RIMBP2: variants seen among roughly 807,000 people sequenced by gnomAD.
The protein encoded by RIMBP2 is RIMS-binding protein 2.
A neutral mutation model predicts 118.6 loss-of-function variants in RIMBP2; 48 were observed. The ratio of observed to expected loss-of-function variants is 0.40; its 90% CI spans 0.32 to 0.51. RIMBP2 has a LOEUF of 0.51. Among genes scored for constraint, RIMBP2 ranks in the 20% least tolerant of loss-of-function variants. RIMBP2 has a pLI of 0.41. For missense variants in RIMBP2, 1,551 were observed against 1,768.3 expected, an observed-to-expected ratio of 0.88 and a Z score of 2.20; for synonymous variants, 762 against 742.9, an observed-to-expected ratio of 1.03 and a Z score of -0.42.
chr12:130,613,833 A>AAAAC (rs1555308705), intron 2 of RIMBP2, among the ~76,000 whole-genome samples: 1 of 150,360 alleles, frequency 6.7e-6, no homozygotes. Context: ...AAAAAAAAAA[A>AAAAC]CTCAGTCTCA....
At position 130,534,165 on chromosome 12, in the gene RIMBP2, TAAA is replaced by T. The variant is rs35683242; in HGVS notation, c.-216-16251_-216-16249del. Among the ~76,000 whole-genome samples the T allele has an allele frequency of 8.3e-3, 787 of 95,206 alleles. 9 individuals carry two copies. Among genetic ancestry groups the T allele is most frequent in the African/African-American group, 0.029 (703 of 23,898 alleles). 62.5% of individuals were successfully genotyped at this position (95,206 alleles called of 152,430 possible). A position where few individuals can be genotyped will look rare whatever the true frequency, so the allele number is the denominator to read the frequency against. On this transcript the variant is annotated intron_variant, in intron 2 of 22. Coordinates refer to ENST00000690449, the MANE Select transcript of RIMBP2 (RefSeq NM_001393629.1). ...TGGATGACAGAGCAAAACTCCATCT[TAAA>T]AAAAAAAAAAAAAAGAGAGAGAGAG...
chr12:130,677,769 C>T (rs1031127638), intron 1 of RIMBP2, among the ~76,000 whole-genome samples: 3 of 152,236 alleles, frequency 2.0e-5, no homozygotes, highest in African/African-American at 7.2e-5. Flanking sequence ...TGAGCCAAAC[C>T]GGACCACTGT....
At chr12:130,506,021 T>C (rs1018874587) in intron 4 of RIMBP2, among the ~76,000 whole-genome samples, 11 of 148,362 alleles carry the variant, frequency 7.4e-5, no homozygotes, top group African/African-American at 2.2e-4. Context: ...TACTGGATCA[T>C]AGAACTGGAG....
intron 1 of RIMBP2, among the ~76,000 whole-genome samples, chr12:130,646,740 G>T (rs1594138115): frequency 6.6e-6 from 1 of 152,224 alleles, no homozygotes; most frequent in African/African-American, 2.4e-5. Flanking sequence ...TCTCCTACAG[G>T]GCAAGAGAAA....
intron 13 of RIMBP2, 49 bp downstream of exon 13, chr12:130,436,793 G>A (rs528601304): frequency 1.8e-5 from 24 of 1,329,104 alleles, no homozygotes; most frequent in East Asian, 9.0e-5. Context: ...GCCCCGTCCC[G>A]TGGGGTTTGG....
chr12:130,665,394 G>A (rs1178869661), intron 1 of RIMBP2, among the ~76,000 whole-genome samples: 1 of 151,420 alleles, frequency 6.6e-6, no homozygotes, highest in Non-Finnish European at 1.5e-5. Flanking sequence ...GCACAGTGGA[G>A]TGCACCTGTA....
chr12:130,624,498 G>A (rs569976652), intron 2 of RIMBP2, among the ~76,000 whole-genome samples: 39 of 152,040 alleles, frequency 2.6e-4, no homozygotes, highest in African/African-American at 7.0e-4. Context: ...TTGTGTATGC[G>A]TGGGGAAAGG....
At chr12:130,701,397 A>G (rs1450486487) in intron 1 of RIMBP2, among the ~76,000 whole-genome samples, 1 of 152,246 alleles carries the variant, frequency 6.6e-6, no homozygotes, top group Admixed American at 6.5e-5. Context: ...CTCAGCTTAC[A>G]TCACACGTGG....
At chr12:130,554,261 T>C (rs1245039449) in intron 2 of RIMBP2, among the ~76,000 whole-genome samples, 2 of 152,218 alleles carry the variant, frequency 1.3e-5, no homozygotes, top group African/African-American at 4.8e-5. Flanking sequence ...TCAATTCTTA[T>C]GCACCTCAGA....
Position 130,442,219 on chromosome 12 carries a change from G to A in RIMBP2, c.1133C>T (p.Ala378Val), listed in dbSNP as rs1351416683. Residue 378 changes from alanine (A) to valine (V), a missense_variant, in exon 11 of 23, where the codon GCC (alanine) becomes GTC (valine). Ala to Val is a moderately conservative substitution (Grantham distance 64, BLOSUM62 0). Around this residue, in one of 5 missense-constraint regions of RIMBP2, gnomAD observed 265 missense variants for 349.5 expected, o/e 0.76. Coordinates refer to ENST00000690449, the MANE Select transcript of RIMBP2 (RefSeq NM_001393629.1). The surrounding 1 kb of genome is among the most constrained non-coding windows in gnomAD (Gnocchi z 6.9). ...KALIEKLNMA[A>V]CTYRISVQCV... ...CTGCACGGAGATGCGGTAGGTGCAG[G>A]CTGCCATGTTGAGCTTCTCGATGAG... 4 of 1,614,194 alleles carry A rather than the reference G, an allele frequency of 2.5e-6. No homozygotes were observed. The highest frequency in any genetic ancestry group is 3.4e-6 in the Non-Finnish European group (4 of 1,180,046).
At chr12:130,602,224 A>C (rs189102091) in intron 2 of RIMBP2, among the ~76,000 whole-genome samples, 1 of 152,372 alleles carries the variant, frequency 6.6e-6, no homozygotes. Flanking sequence ...TAACCCTCAT[A>C]ATAATCAGAG....
chr12:130,696,993 T>C (rs1024031375), intron 1 of RIMBP2, among the ~76,000 whole-genome samples: 1 of 152,106 alleles, frequency 6.6e-6, no homozygotes, highest in African/African-American at 2.4e-5. Flanking sequence ...AGGAGTCAGA[T>C]TGGGAAGTGC....
At chr12:130,605,583 A>G (rs1054003650) in intron 2 of RIMBP2, among the ~76,000 whole-genome samples, 5 of 152,244 alleles carry the variant, frequency 3.3e-5, no homozygotes, top group African/African-American at 1.2e-4. Context: ...TTAATGATGC[A>G]TGATAAAGTA....
intron 21 of RIMBP2, 71 bp from the exon 22 acceptor site, chr12:130,399,884 G>C (rs1162087693): frequency 6.5e-7 from 1 of 1,535,260 alleles, no homozygotes; most frequent in African/African-American, 1.4e-5. Flanking sequence ...TTGGCTAAAG[G>C]AATACAGCTC....
intron 1 of RIMBP2, among the ~76,000 whole-genome samples, chr12:130,711,774 G>A (rs570770070): frequency 5.9e-5 from 9 of 152,328 alleles, no homozygotes; most frequent in South Asian, 2.1e-4. Context: ...ATGCAGTCAC[G>A]CCTTGCTTAA....
intron 2 of RIMBP2, among the ~76,000 whole-genome samples, chr12:130,529,569 T>C (rs1176304686): frequency 6.6e-6 from 1 of 152,176 alleles, no homozygotes; most frequent in Non-Finnish European, 1.5e-5. Flanking sequence ...GTTGCAAATG[T>C]ACTAAATGCC....
intron 19 of RIMBP2, among the ~76,000 whole-genome samples, chr12:130,410,662 G>A (rs1593200318): frequency 6.6e-6 from 1 of 152,122 alleles, no homozygotes; most frequent in South Asian, 2.1e-4. Flanking sequence ...CAAAATCAGT[G>A]GACTCCATAT....
At chr12:130,515,567 G>A (rs2051362484) in intron 3 of RIMBP2, among the ~76,000 whole-genome samples, 1 of 152,198 alleles carries the variant, frequency 6.6e-6, no homozygotes, top group Admixed American at 6.5e-5. Flanking sequence ...TCAAGGGTCA[G>A]TAATATTCCA....
chr12:130,645,086 A>G (rs2141049961), intron 1 of RIMBP2, among the ~76,000 whole-genome samples: 1 of 148,624 alleles, frequency 6.7e-6, no homozygotes, highest in East Asian at 1.9e-4. Flanking sequence ...AAGACTACAA[A>G]TCAGAACTTT....
Sources: allele counts gnomAD v4.1 joint callset (sites outside exome capture counted in the v4.1 genomes callset), GRCh38; gene constraint gnomAD v4.1.1; regional missense constraint gnomAD v4.1.1; non-coding constraint Gnocchi (gnomAD v3.1); transcripts MANE v1.5; gene names NCBI Gene and HGNC (gene_info 2026-07-23, HGNC 2026-07-21).